Variants in TEX14 observed in about 807,000 individuals in gnomAD.
The protein encoded by TEX14 is inactive serine/threonine-protein kinase TEX14.
A neutral mutation model predicts 178.6 loss-of-function variants in TEX14; 168 were observed. That is an observed-to-expected ratio of 0.94 (90% CI 0.83 to 1.07). The LOEUF (loss-of-function observed/expected upper bound fraction) is 1.07, where lower values mean the gene tolerates loss of function less well. Ranked by LOEUF, TEX14 falls within the 50% of genes least tolerant of loss-of-function variation. The pLI, the probability that TEX14 is intolerant of heterozygous loss-of-function variation, is 0.00. For synonymous variants in TEX14, 626 were observed against 634.1 expected (o/e 0.99, Z 0.19); for missense variants, 1,730 against 1,753.6 (o/e 0.99, Z 0.24).
chr17:58,623,095 C>T, intron 3 of TEX14, 83 bp from the exon 4 acceptor site: 4 of 1,308,750 alleles, frequency 3.1e-6, no homozygotes, highest in Non-Finnish European at 3.1e-6. Flanking sequence ...CAACACAGGG[C>T]TCCCATTCTA....
chr17:58,675,197 A>ATTCT (rs2047376301), intron 1 of TEX14: 1 of 152,196 alleles, frequency 6.6e-6, no homozygotes, highest in Non-Finnish European at 1.5e-5. Context: ...TATGTTCAAT[A>ATTCT]TTCTTAGCCA....
intron 2 of TEX14, among the ~76,000 whole-genome samples, chr17:58,634,014 A>G (rs975284394): frequency 6.6e-6 from 1 of 151,804 alleles, no homozygotes; most frequent in Non-Finnish European, 1.5e-5. Context: ...AAAAGTAGGC[A>G]GAGATTAGAG....
chr17:58,581,121 A>G (rs1412020334), intron 19 of TEX14, among the ~76,000 whole-genome samples: 2 of 152,094 alleles, frequency 1.3e-5, no homozygotes, highest in Non-Finnish European at 2.9e-5. Flanking sequence ...GACCAGCCCG[A>G]CCAACATGGT....
chr17:58,680,616 C>T (rs2047485403), intron 1 of TEX14, among the ~76,000 whole-genome samples: 1 of 151,962 alleles, frequency 6.6e-6, no homozygotes, highest in South Asian at 2.1e-4. Flanking sequence ...GTGGCAGGCA[C>T]CTGTAATCCC....
chr17:58,685,186 C>T (rs1419909329), intron 1 of TEX14, among the ~76,000 whole-genome samples: 1 of 151,264 alleles, frequency 6.6e-6, no homozygotes, highest in African/African-American at 2.4e-5. Flanking sequence ...TGTTTTGAAG[C>T]ACGTTGGGAG....
At chr17:58,606,345 C>A (rs2045606633) in intron 10 of TEX14, among the ~76,000 whole-genome samples, 1 of 152,148 alleles carries the variant, frequency 6.6e-6, no homozygotes, top group Non-Finnish European at 1.5e-5. Flanking sequence ...GGCATTCAGT[C>A]AAGACTTAAT....
At chr17:58,686,496 G>A (rs2047594323) in intron 1 of TEX14, among the ~76,000 whole-genome samples, 1 of 152,162 alleles carries the variant, frequency 6.6e-6, no homozygotes, top group Non-Finnish European at 1.5e-5. Context: ...TTTGCATCTG[G>A]ACGGCAGAGG....
chr17:58,671,885 AG>A (rs753925478), intron 1 of TEX14, among the ~76,000 whole-genome samples: 25 of 152,136 alleles, frequency 1.6e-4, no homozygotes, highest in Non-Finnish European at 3.5e-4. Flanking sequence ...TTCACTCACT[AG>A]GCCCCTAGCC....
chr17:58,563,920 C>T (rs2044343738), intron 28 of TEX14, among the ~76,000 whole-genome samples: 1 of 150,660 alleles, frequency 6.6e-6, no homozygotes, highest in African/African-American at 2.4e-5. Flanking sequence ...CATCATTAAT[C>T]ATTAGGGAAG....
intron 2 of TEX14, among the ~76,000 whole-genome samples, chr17:58,643,520 T>C (rs137973721): frequency 6.6e-6 from 1 of 151,242 alleles, no homozygotes; most frequent in African/African-American, 2.4e-5. Context: ...TGTCCTCCCA[T>C]CTATGGGAGG....
chr17:58,656,696 G>A (rs1598423465), intron 1 of TEX14, among the ~76,000 whole-genome samples: 1 of 151,092 alleles, frequency 6.6e-6, no homozygotes, highest in Non-Finnish European at 1.5e-5. Context: ...AGAGGTTGCA[G>A]TGAGCCAAGA....
At chr17:58,664,152 C>T (rs1222913412) in intron 1 of TEX14, among the ~76,000 whole-genome samples, 1 of 152,212 alleles carries the variant, frequency 6.6e-6, no homozygotes, top group Non-Finnish European at 1.5e-5. Flanking sequence ...ACCCAGCCCA[C>T]CTCGGTTATA....
At chr17:58,612,735 C>CAA (rs35618114) in intron 9 of TEX14, among the ~76,000 whole-genome samples, 13 of 97,018 alleles carry the variant, frequency 1.3e-4, no homozygotes, top group Non-Finnish European at 1.4e-4. Context: ...ACTCTTGTCT[C>CAA]AAAAAAAAAA....
At chr17:58,585,150 G>A (rs1221351156) in intron 18 of TEX14, among the ~76,000 whole-genome samples, 1 of 152,162 alleles carries the variant, frequency 6.6e-6, no homozygotes, top group African/African-American at 2.4e-5. Context: ...AGAGACATGG[G>A]CAGTAGGCAG....
intron 9 of TEX14, among the ~76,000 whole-genome samples, chr17:58,613,158 C>T (rs993803637): frequency 1.7e-4 from 26 of 151,414 alleles, no homozygotes; most frequent in Non-Finnish European, 3.4e-4. Flanking sequence ...GCCAAGATCG[C>T]GCCACTGCAC....
At chr17:58,627,913 C>CTTTTTTTT (rs1172697593) in intron 3 of TEX14, among the ~76,000 whole-genome samples, 2 of 75,688 alleles carry the variant, frequency 2.6e-5, no homozygotes, top group Non-Finnish European at 4.8e-5. Flanking sequence ...CCCATGCCAC[C>CTTTTTTTT]TTTTTTTTTT....
At chr17:58,573,160 A>G in intron 23 of TEX14, 21 bp downstream of exon 23, 3 of 1,612,490 alleles carry the variant, frequency 1.9e-6, no homozygotes, top group Non-Finnish European at 2.5e-6. Flanking sequence ...CTCCCCAAAC[A>G]CTTCTCTTCC....
chr17:58,617,744 A>G, intron 5 of TEX14, 125 bp from the exon 6 acceptor site: 1 of 634,672 alleles, frequency 1.6e-6, no homozygotes, highest in South Asian at 2.1e-5. Flanking sequence ...TTCTGTTACA[A>G]AACTAGAGAT....
chr17:58,591,353 A>G (rs2045135865), intron 15 of TEX14, among the ~76,000 whole-genome samples: 1 of 152,068 alleles, frequency 6.6e-6, no homozygotes, highest in African/African-American at 2.4e-5. Flanking sequence ...CTCCATCTCT[A>G]CTAAAAAATA....
Sources: allele counts gnomAD v4.1 joint callset (sites outside exome capture counted in the v4.1 genomes callset), GRCh38; gene constraint gnomAD v4.1.1; transcripts MANE v1.5; gene names NCBI Gene and HGNC (gene_info 2026-07-23, HGNC 2026-07-21).